Variants in SAXO1 observed in about 807,000 individuals in gnomAD.
SAXO1 encodes the protein 4930500O09Rik.
Under a neutral mutation model 17.5 loss-of-function variants are expected in SAXO1, and 21 were observed. The ratio of observed to expected loss-of-function variants is 1.20; its 90% CI spans 0.85 to 1.72. SAXO1 has a LOEUF of 1.72. SAXO1 is among the 40% of genes most tolerant of loss of function. The pLI, the probability that SAXO1 is intolerant of heterozygous loss-of-function variation, is 0.00. For missense variants in SAXO1, 843 were observed against 596.0 expected (o/e 1.41, Z -4.32); for synonymous variants, 274 against 216.5 (o/e 1.27, Z -2.33).
chr9:19,023,010 A>G (rs182796453), intron 1 of SAXO1, among the ~76,000 whole-genome samples: 1 of 152,302 alleles, frequency 6.6e-6, no homozygotes, highest in Non-Finnish European at 1.5e-5. Flanking sequence ...AAAGCCTAAT[A>G]AATGCTGGAC....
chr9:18,931,688 A>C (rs1831057279), intron 3 of SAXO1, among the ~76,000 whole-genome samples: 1 of 152,232 alleles, frequency 6.6e-6, no homozygotes, highest in Admixed American at 6.5e-5. Flanking sequence ...ATTTGTTATC[A>C]TCTGTGTTTT....
chr9:18,934,029 AGAGC>A (rs1382379620), intron 3 of SAXO1, among the ~76,000 whole-genome samples: 1 of 152,086 alleles, frequency 6.6e-6, no homozygotes, highest in African/African-American at 2.4e-5. Flanking sequence ...CCTGAGTGAC[AGAGC>A]GAGACTCCGT....
At chr9:18,937,896 A>G (rs1831366257) in intron 3 of SAXO1, among the ~76,000 whole-genome samples, 1 of 152,216 alleles carries the variant, frequency 6.6e-6, no homozygotes, top group Admixed American at 6.5e-5. Context: ...GAACTAAGAA[A>G]GTAGTATTCA....
chr9:18,974,170 A>G (rs1280690242), intron 1 of SAXO1, among the ~76,000 whole-genome samples: 1 of 152,226 alleles, frequency 6.6e-6, no homozygotes, highest in African/African-American at 2.4e-5. Context: ...ACAAACCAGT[A>G]AATACATTCA....
intron 1 of SAXO1, among the ~76,000 whole-genome samples, chr9:18,975,384 G>A (rs925334215): frequency 4.6e-5 from 7 of 152,160 alleles, no homozygotes; most frequent in Non-Finnish European, 7.3e-5. Context: ...TGCTACTACC[G>A]CTCTGCACAT....
chr9:18,961,355 A>G (rs1400794801), intron 1 of SAXO1, among the ~76,000 whole-genome samples: 2 of 151,994 alleles, frequency 1.3e-5, no homozygotes, highest in African/African-American at 4.8e-5. Flanking sequence ...TTGTTTTATT[A>G]TACTTTAAGT....
chr9:18,971,879 T>C (rs923484447), intron 1 of SAXO1, among the ~76,000 whole-genome samples: 1 of 152,198 alleles, frequency 6.6e-6, no homozygotes, highest in Admixed American at 6.5e-5. Context: ...TATAGCACTG[T>C]AAAATGTTAA....
Position 18,995,848 on chromosome 9 carries a change from A to G in SAXO1, c.38+37023T>C, listed in dbSNP as rs148093722. On this transcript the variant is annotated intron_variant, in intron 1 of 3. Transcript: ENST00000380534. The stretch of plus-strand genomic sequence containing the variant: ...TAATCCCAGCATTTTGGGAGGCCAC[A>G]TTGGGAGGATCACTTGAGGTCAGGA... Among the ~76,000 whole-genome samples, 1,390 of 152,216 alleles carry G rather than the reference A, an allele frequency of 9.1e-3. 11 individuals are homozygous for G. Among genetic ancestry groups the G allele is most frequent in the Middle Eastern group, 0.051 (15 of 294 alleles).
At chr9:19,046,084 A>AG (rs1836208516) in intron 1 of SAXO1, among the ~76,000 whole-genome samples, 1 of 148,308 alleles carries the variant, frequency 6.7e-6, no homozygotes, top group Non-Finnish European at 1.5e-5. Context: ...CTCCGTCTCA[A>AG]AAAAAAAAAA....
intron 1 of SAXO1, among the ~76,000 whole-genome samples, chr9:18,991,336 A>G (rs182978558): frequency 6.6e-6 from 1 of 152,364 alleles, no homozygotes; most frequent in Non-Finnish European, 1.5e-5. Flanking sequence ...TCAATGACAG[A>G]CTGGATTAAG....
chr9:19,011,747 T>G (rs909662804), intron 1 of SAXO1, among the ~76,000 whole-genome samples: 46 of 152,174 alleles, frequency 3.0e-4, no homozygotes, highest in African/African-American at 1.1e-3. Flanking sequence ...AATCTAAGTA[T>G]GCCAATTACG....
chr9:18,968,813 C>G (rs1324485439), intron 1 of SAXO1, among the ~76,000 whole-genome samples: 1 of 152,064 alleles, frequency 6.6e-6, no homozygotes, highest in African/African-American at 2.4e-5. Context: ...AGGCTGGTGT[C>G]GAACTCCTGA....
In SAXO1 at chr9:18,928,231, C is replaced by G. The variant is rs865962195; in HGVS notation, c.1246G>C (p.Glu416Gln). 1 of 1,614,116 alleles carries G rather than the reference C, an allele frequency of 6.2e-7. No individual in the cohort carries two copies. The highest frequency in any genetic ancestry group is 8.5e-7 in the Non-Finnish European group (1 of 1,180,010). The change falls in exon 4 of 4, where the codon GAA becomes CAA. Residue 416 changes from glutamate to glutamine, a missense_variant. Glu to Gln is a conservative substitution (Grantham distance 29, BLOSUM62 2). Coordinates refer to ENST00000380534, the MANE Select transcript of SAXO1 (RefSeq NM_153707.4). ...TATGAAGCTAGGCACCTGCCCATTT[C>G]CTTGGGAGTAAAGCTGATGGTGTAG... ...TTYTISFTPK[E>Q]MGRCLASYPE...
At chr9:18,930,582 C>A (rs1202282579) in intron 3 of SAXO1, among the ~76,000 whole-genome samples, 1 of 152,110 alleles carries the variant, frequency 6.6e-6, no homozygotes, top group East Asian at 1.9e-4. Context: ...TCACCGCAAC[C>A]TCCACCTCCC....
chr9:19,011,163 T>C (rs192523717), intron 1 of SAXO1, among the ~76,000 whole-genome samples: 1 of 152,346 alleles, frequency 6.6e-6, no homozygotes, highest in East Asian at 1.9e-4. Flanking sequence ...ACCCTAAACC[T>C]AAGCCAAGTT....
chr9:18,945,034 C>T (rs139401827), intron 2 of SAXO1, among the ~76,000 whole-genome samples: 3 of 152,148 alleles, frequency 2.0e-5, no homozygotes, highest in Admixed American at 1.3e-4. Context: ...CTAGGCCATG[C>T]TTTTCTCTCT....
intron 1 of SAXO1, among the ~76,000 whole-genome samples, chr9:19,008,538 G>C (rs187972625): frequency 6.6e-6 from 1 of 152,160 alleles, no homozygotes; most frequent in African/African-American, 2.4e-5. Context: ...GGGGAGGAGA[G>C]AGGCTTGCCA....
chr9:18,938,826 G>GTGTGTGTGTGTGTGTA (rs1470031426), intron 3 of SAXO1, among the ~76,000 whole-genome samples: 25 of 80,580 alleles, frequency 3.1e-4, no homozygotes, highest in African/African-American at 4.7e-4. Flanking sequence ...GCGTGCGTGT[G>GTGTGTGTGTGTGTGTA]TGTGTGTGTG....
intron 1 of SAXO1, among the ~76,000 whole-genome samples, chr9:18,959,993 G>A (rs1832418705): frequency 1.3e-5 from 2 of 152,150 alleles, no homozygotes; most frequent in African/African-American, 4.8e-5. Context: ...GGAATGGGCA[G>A]GCAGGCATCA....
Sources: gnomAD v4.1 joint callset for allele counts (sites outside exome capture counted in the v4.1 genomes callset) on GRCh38, gnomAD v4.1.1 for gene constraint, MANE v1.5 for transcripts, NCBI Gene and HGNC (gene_info 2026-07-23, HGNC 2026-07-21) for gene names.